The following LPAR1 variants were observed in gnomAD, a reference collection of about 807,000 sequenced individuals.
LPAR1 encodes LPA receptor 1.
A neutral mutation model predicts 23.8 loss-of-function variants in LPAR1; 5 were observed. The ratio of observed to expected loss-of-function variants is 0.21; its 90% CI spans 0.11 to 0.44. LPAR1 has a LOEUF of 0.44. LPAR1 is among the 20% of genes least tolerant of loss of function. The pLI is 0.99. For synonymous variants in LPAR1, 160 were observed against 164.7 expected, an observed-to-expected ratio of 0.97 and a Z score of 0.22; for missense variants, 311 against 482.8, an observed-to-expected ratio of 0.64 and a Z score of 3.33.
intron 2 of LPAR1, among the ~76,000 whole-genome samples, chr9:111,000,047 A>T (rs1355539717): frequency 6.6e-6 from 1 of 152,094 alleles, no homozygotes; most frequent in East Asian, 1.9e-4. Flanking sequence ...AATCTCATTC[A>T]TGAGGGCGGA....
At chr9:111,015,577 T>C (rs1588874767) in intron 2 of LPAR1, among the ~76,000 whole-genome samples, 1 of 151,686 alleles carries the variant, frequency 6.6e-6, no homozygotes. Flanking sequence ...AGATAGGGAG[T>C]TGTTGATCAA....
intron 5 of LPAR1, among the ~76,000 whole-genome samples, chr9:110,915,849 T>C (rs1231344956): frequency 6.6e-6 from 1 of 152,208 alleles, no homozygotes; most frequent in East Asian, 1.9e-4. Flanking sequence ...AGAAGAAAAA[T>C]TGAACGAGTG....
chr9:110,909,042 G>C (rs1036394429), intron 5 of LPAR1, among the ~76,000 whole-genome samples: 9 of 152,156 alleles, frequency 5.9e-5, no homozygotes, highest in Admixed American at 2.0e-4. Flanking sequence ...CCAGATCACT[G>C]TACCAAATGC....
rs1390583231 is a variant in LPAR1, at chr9:110,875,526, G to A, written c.990C>T (p.Arg330=). The change falls in exon 6 of 6, where the codon CGC becomes CGT. Residue 330 remains arginine (R), a synonymous_variant. Transcript: ENST00000683809. ...CTGTGGGGCCGGTGGGGTTCTCACT[G>A]CGCTGGCAGCAGAGGATCTGCCTAA... ...ATFRQILCCQ[R]SENPTGPTEG... 8.1e-6 allele frequency: 13 copies of A among 1,614,036 alleles called. No individual in the cohort carries two copies. Among genetic ancestry groups the A allele is most frequent in the Non-Finnish European group, 1.0e-5 (12 of 1,180,024 alleles).
At chr9:111,029,692 A>C (rs1173104800) in intron 2 of LPAR1, among the ~76,000 whole-genome samples, 1 of 152,146 alleles carries the variant, frequency 6.6e-6, no homozygotes, top group East Asian at 1.9e-4. Context: ...ATTTGAGTCC[A>C]TATCGCTCCA....
At chr9:110,915,668 T>C (rs1183313634) in intron 5 of LPAR1, among the ~76,000 whole-genome samples, 1 of 152,242 alleles carries the variant, frequency 6.6e-6, no homozygotes, top group Admixed American at 6.5e-5. Context: ...CACATGTGTA[T>C]GTACACATAT....
chr9:110,932,741 A>G (rs1476098243), intron 5 of LPAR1, among the ~76,000 whole-genome samples: 1 of 152,224 alleles, frequency 6.6e-6, no homozygotes, highest in Non-Finnish European at 1.5e-5. Flanking sequence ...GATGTGAGGG[A>G]TCTAGATTGC....
intron 2 of LPAR1, among the ~76,000 whole-genome samples, chr9:110,996,001 A>C (rs901964817): frequency 6.6e-6 from 1 of 152,146 alleles, no homozygotes; most frequent in Non-Finnish European, 1.5e-5. Flanking sequence ...AGATAGTAAA[A>C]CCACAAAGTA....
intron 2 of LPAR1, among the ~76,000 whole-genome samples, chr9:111,006,885 T>C (rs1318317146): frequency 6.6e-6 from 1 of 152,068 alleles, no homozygotes; most frequent in Non-Finnish European, 1.5e-5. Context: ...TGAAATGTAA[T>C]CCCCAGTGTT....
intron 2 of LPAR1, among the ~76,000 whole-genome samples, chr9:111,018,934 A>G (rs1310378282): frequency 6.6e-6 from 1 of 152,230 alleles, no homozygotes; most frequent in Non-Finnish European, 1.5e-5. Context: ...CAGGCTATTA[A>G]AAATATGATT....
chr9:110,972,383 G>A (rs1186549212), intron 3 of LPAR1, among the ~76,000 whole-genome samples, 163 bp from the exon 4 acceptor site: 1 of 152,118 alleles, frequency 6.6e-6, no homozygotes. Flanking sequence ...TAAAAGCCAC[G>A]ACTTCTGTGC....
chr9:110,962,461 C>T (rs1011114837), intron 4 of LPAR1, among the ~76,000 whole-genome samples: 1 of 152,150 alleles, frequency 6.6e-6, no homozygotes, highest in Non-Finnish European at 1.5e-5. Flanking sequence ...GGTGGAAACT[C>T]ATCTAAGTGC....
At chr9:110,927,051 T>C (rs2094092521) in intron 5 of LPAR1, among the ~76,000 whole-genome samples, 2 of 152,170 alleles carry the variant, frequency 1.3e-5, no homozygotes, top group South Asian at 4.1e-4. Flanking sequence ...AAGGTGGCCC[T>C]TGGACCACAC....
intron 5 of LPAR1, among the ~76,000 whole-genome samples, chr9:110,919,511 T>A (rs1037120965): frequency 6.6e-6 from 1 of 152,178 alleles, no homozygotes; most frequent in Middle Eastern, 3.2e-3. Flanking sequence ...CCACTAAGTC[T>A]GTGACAATTT....
At chr9:110,877,516 CAT>C (rs1404388701) in intron 5 of LPAR1, among the ~76,000 whole-genome samples, 1 of 152,100 alleles carries the variant, frequency 6.6e-6, no homozygotes, top group African/African-American at 2.4e-5. Context: ...GAAAGCTAAA[CAT>C]AAAGGAAAAT....
At chr9:110,932,815 C>T (rs2094488799) in intron 5 of LPAR1, among the ~76,000 whole-genome samples, 2 of 152,290 alleles carry the variant, frequency 1.3e-5, no homozygotes, top group South Asian at 2.1e-4. Context: ...ATCCCTAAAC[C>T]ATCCCCCCTC....
chr9:110,997,186 A>G (rs2097029530), intron 2 of LPAR1, among the ~76,000 whole-genome samples: 1 of 152,208 alleles, frequency 6.6e-6, no homozygotes, highest in Non-Finnish European at 1.5e-5. Context: ...GGAAAGAGTC[A>G]ATCAAGAAGC....
At chr9:110,971,771 G>T (rs1300943652) in intron 4 of LPAR1, among the ~76,000 whole-genome samples, 1 of 139,982 alleles carries the variant, frequency 7.1e-6, no homozygotes, top group Non-Finnish European at 1.5e-5. Context: ...AAGCAGCAGG[G>T]TTTACTACTG....
chr9:110,978,737 G>A (rs967198010), intron 2 of LPAR1, among the ~76,000 whole-genome samples: 4 of 152,030 alleles, frequency 2.6e-5, no homozygotes, highest in Admixed American at 6.6e-5. Context: ...GGCCTGAGAC[G>A]GAAAGATTTT....
Sources: allele counts gnomAD v4.1 joint callset (sites outside exome capture counted in the v4.1 genomes callset), GRCh38; gene constraint gnomAD v4.1.1; transcripts MANE v1.5; gene names NCBI Gene and HGNC (gene_info 2026-07-23, HGNC 2026-07-21).